Variants in TTC23L observed in about 807,000 individuals in gnomAD.
TTC23L encodes the protein tetratricopeptide repeat protein 23-like.
Under a neutral mutation model 48.1 loss-of-function variants are expected in TTC23L, and 42 were observed. That is an observed-to-expected ratio of 0.87 (90% confidence interval 0.68 to 1.13). The LOEUF (loss-of-function observed/expected upper bound fraction) is 1.13. TTC23L is among the 50% of genes most tolerant of loss of function. TTC23L has a pLI of 0.00. For synonymous variants in TTC23L, 159 were observed against 157.2 expected, an observed-to-expected ratio of 1.01 and a Z score of -0.09; for missense variants, 391 against 421.0, an observed-to-expected ratio of 0.93 and a Z score of 0.62.
chr5:34,873,862 G>A (rs12523132), intron 8 of TTC23L, among the ~76,000 whole-genome samples: 20,832 of 152,116 alleles, frequency 0.14, 1,618 homozygotes, highest in Middle Eastern at 0.22. Context: ...GATGGGCGAC[G>A]TATAGGCTGA....
the TTC23L span, chr5:34,913,449 T>A: frequency 7.0e-7 from 1 of 1,425,826 alleles, no homozygotes; most frequent in Non-Finnish European, 9.7e-7. Context: ...CTTTTATGTC[T>A]TTATACTGAT....
chr5:34,916,117 C>T, the TTC23L span: 3 of 456,974 alleles, frequency 6.6e-6, no homozygotes, highest in South Asian at 4.5e-5. Context: ...AAAACCTTTA[C>T]CCGGCCCACG....
chr5:34,896,461 C>T (rs1450893021), intron 9 of TTC23L, among the ~76,000 whole-genome samples: 1 of 152,152 alleles, frequency 6.6e-6, no homozygotes, highest in African/African-American at 2.4e-5. Flanking sequence ...ATCCCAAAAA[C>T]CATGCGACCT....
At chr5:34,888,389 T>G in intron 9 of TTC23L, 1 of 666,194 alleles carries the variant, frequency 1.5e-6, no homozygotes, top group Non-Finnish European at 1.9e-6. Flanking sequence ...CTTTCCTGAG[T>G]TTGGTTTGCA....
intron 6 of TTC23L, among the ~76,000 whole-genome samples, chr5:34,865,029 A>G (rs1760952851): frequency 6.6e-6 from 1 of 152,248 alleles, no homozygotes; most frequent in Admixed American, 6.5e-5. Context: ...CATGCACAGC[A>G]TGTACATTTT....
intron 9 of TTC23L, among the ~76,000 whole-genome samples, chr5:34,892,059 G>A (rs1762899845): frequency 1.3e-5 from 2 of 152,172 alleles, no homozygotes; most frequent in South Asian, 4.1e-4. Flanking sequence ...AAGAACTGCT[G>A]AGCAAAACCA....
intron 3 of TTC23L, among the ~76,000 whole-genome samples, chr5:34,849,429 T>C (rs1759484870): frequency 6.6e-6 from 1 of 152,168 alleles, no homozygotes; most frequent in Non-Finnish European, 1.5e-5. Flanking sequence ...GACGCAGTCA[T>C]CAAAATTTAT....
downstream of TTC23L, among the ~76,000 whole-genome samples, chr5:34,901,829 T>C (rs1384260257): frequency 6.6e-6 from 1 of 152,134 alleles, no homozygotes; most frequent in Non-Finnish European, 1.5e-5. Context: ...AAGGTCAGCT[T>C]GGTAATTATA....
At chr5:34,910,432 C>CTT in the TTC23L span, among the ~76,000 whole-genome samples, 13 of 143,804 alleles carry the variant, frequency 9.0e-5, no homozygotes, top group Admixed American at 4.9e-4. Flanking sequence ...TTTTTCTTTT[C>CTT]TTTTTTTTTT....
intron 9 of TTC23L, among the ~76,000 whole-genome samples, chr5:34,885,468 C>CGAT (rs971503720): frequency 4.6e-5 from 7 of 152,084 alleles, no homozygotes; most frequent in African/African-American, 1.7e-4. Context: ...TGGCCATATG[C>CGAT]GATGGCTCAT....
At chr5:34,864,159 G>A (rs1262712143) in intron 5 of TTC23L, among the ~76,000 whole-genome samples, 4 of 152,140 alleles carry the variant, frequency 2.6e-5, no homozygotes, top group Admixed American at 1.3e-4. Flanking sequence ...AAAGGAAATC[G>A]AGTGTAATTT....
chr5:34,924,104 A>G, the TTC23L span, among the ~76,000 whole-genome samples: 1 of 152,226 alleles, frequency 6.6e-6, no homozygotes, highest in Non-Finnish European at 1.5e-5. Context: ...ATTCAATGGC[A>G]GCGGTTAGAT....
intron 9 of TTC23L, chr5:34,888,397 G>T: frequency 1.3e-6 from 1 of 793,444 alleles, no homozygotes; most frequent in Non-Finnish European, 1.5e-6. Context: ...AGTTTGGTTT[G>T]CAGTTAAGGT....
At chr5:34,908,102 T>C in the TTC23L span, 2 of 152,084 alleles carry the variant, frequency 1.3e-5, no homozygotes, top group African/African-American at 4.8e-5. Flanking sequence ...CCATATGCCT[T>C]TGCTTTTTCT....
the TTC23L span, among the ~76,000 whole-genome samples, chr5:34,910,372 C>G: frequency 2.6e-5 from 4 of 151,776 alleles, no homozygotes; most frequent in Non-Finnish European, 4.4e-5. Flanking sequence ...TTTCTCAGAC[C>G]TTGAGCCAAA....
chr5:34,915,952 C>T, the TTC23L span: 15 of 1,480,202 alleles, frequency 1.0e-5, no homozygotes, highest in Admixed American at 2.9e-4. Context: ...TGCGCCTTTT[C>T]TTGGGTTACT....
chr5:34,879,779 C>T (rs1421964165), intron 8 of TTC23L, among the ~76,000 whole-genome samples: 2 of 152,182 alleles, frequency 1.3e-5, no homozygotes, highest in East Asian at 1.9e-4. Flanking sequence ...GGGCGGATCA[C>T]GAGGTCAAGA....
the TTC23L span, chr5:34,913,529 C>T: frequency 7.0e-5 from 112 of 1,604,432 alleles, no homozygotes; most frequent in East Asian, 2.7e-4. Context: ...TAAATTAATT[C>T]GAAAAGTAAC....
chr5:34,906,197 TC>T, the TTC23L span: 1 of 151,952 alleles, frequency 6.6e-6, no homozygotes, highest in African/African-American at 2.4e-5. Flanking sequence ...CCTCAGATGA[TC>T]CCCCTGCCTC....
Sources: gnomAD v4.1 joint callset for allele counts (sites outside exome capture counted in the v4.1 genomes callset) on GRCh38, gnomAD v4.1.1 for gene constraint, MANE v1.5 for transcripts, NCBI Gene and HGNC (gene_info 2026-07-23, HGNC 2026-07-21) for gene names.